The following SRRM4 variants were observed in gnomAD, a reference collection of about 807,000 sequenced individuals.
SRRM4 encodes the protein serine/arginine repetitive matrix protein 4.
In SRRM4, 33 loss-of-function variants were observed where a neutral mutation model predicts 68.9. That is an observed-to-expected ratio of 0.48 (90% CI 0.36 to 0.64). The LOEUF (loss-of-function observed/expected upper bound fraction) is 0.64. SRRM4 is among the 30% of genes least tolerant of loss of function. The pLI is 0.00. For missense variants in SRRM4, 817 were observed against 827.1 expected (o/e 0.99, Z 0.15); for synonymous variants, 318 against 318.8 (o/e 1.00, Z 0.03).
chr12:119,075,915 T>A (rs62649117), intron 1 of SRRM4, among the ~76,000 whole-genome samples: 10 of 137,514 alleles, frequency 7.3e-5, no homozygotes, highest in Non-Finnish European at 9.4e-5. Context: ...ATGGTGATGA[T>A]GATGATGATG....
chr12:119,059,082 G>T (rs760897842), intron 1 of SRRM4, among the ~76,000 whole-genome samples: 1 of 152,156 alleles, frequency 6.6e-6, no homozygotes, highest in Non-Finnish European at 1.5e-5. Flanking sequence ...GAACAATAGA[G>T]CAGCAATTCA....
intron 8 of SRRM4, among the ~76,000 whole-genome samples, chr12:119,137,607 AGAG>A (rs1384880885): frequency 6.7e-6 from 1 of 150,178 alleles, no homozygotes; most frequent in East Asian, 2.0e-4. Context: ...AGAGAGAGAG[AGAG>A]AGAGAGAGAG....
intron 1 of SRRM4, among the ~76,000 whole-genome samples, chr12:119,067,938 T>C (rs911140612): frequency 6.6e-6 from 1 of 152,178 alleles, no homozygotes; most frequent in Non-Finnish European, 1.5e-5. Flanking sequence ...GGGCTAATGA[T>C]TTGTTTTTAT....
chr12:119,011,276 C>T (rs1469325184), intron 1 of SRRM4, among the ~76,000 whole-genome samples: 2 of 152,204 alleles, frequency 1.3e-5, no homozygotes, highest in Non-Finnish European at 2.9e-5. Flanking sequence ...GATTAGATTT[C>T]TATAGTCAGG....
At position 119,153,577 on chromosome 12, in the gene SRRM4, G is replaced by A; in HGVS notation, c.1319G>A (p.Gly440Asp). 6.3e-7 allele frequency: 1 copy of A among 1,576,748 alleles called. No homozygotes were observed. The highest frequency in any genetic ancestry group is 8.6e-7 in the Non-Finnish European group (1 of 1,162,000). ...SRSPSYSSKS[G>D]KRSPPSRSSR... Reference sequence around the variant, plus strand: ...TCTCCCAGCTATTCCTCCAAGTCTGGCAAGAGGAGCCCGCCCAGCAGAAGC... The same window carrying A: ...TCTCCCAGCTATTCCTCCAAGTCTGACAAGAGGAGCCCGCCCAGCAGAAGC... The change falls in exon 11 of 13, where the codon GGC (glycine) becomes GAC (aspartate). Residue 440 changes from glycine to aspartate, a missense_variant. By Grantham distance (94) the Gly-to-Asp change is moderately conservative (BLOSUM62 -1). Coordinates refer to ENST00000267260, the MANE Select transcript of SRRM4 (RefSeq NM_194286.4).
intron 1 of SRRM4, among the ~76,000 whole-genome samples, chr12:119,012,547 C>A (rs1403640807): frequency 1.3e-5 from 2 of 152,164 alleles, no homozygotes; most frequent in Non-Finnish European, 2.9e-5. Context: ...TCTTGTTGTT[C>A]TCATTCTTCT....
rs117295592 is a variant in SRRM4 at position 119,083,966 on chromosome 12, C to T, written c.132-18270C>T. 1.0e-3 allele frequency among the ~76,000 whole-genome samples: 154 copies of T among 152,304 alleles called. 3 individuals carry two copies. The East Asian group carries it at 0.028, about 28-fold the overall frequency. On this transcript the variant is annotated intron_variant, in intron 1 of 12. Transcript: ENST00000267260. ...AGAATTTGGGGTTATTTTTTATGTC[C>T]TGCAAAGCATCACTGAGCTATTGCC...
intron 2 of SRRM4, among the ~76,000 whole-genome samples, chr12:119,113,572 C>T (rs1954157753): frequency 6.6e-6 from 1 of 152,142 alleles, no homozygotes; most frequent in Non-Finnish European, 1.5e-5. Context: ...ATGTTTTCCC[C>T]TTGAGGTTCC....
intron 1 of SRRM4, among the ~76,000 whole-genome samples, chr12:119,000,219 G>A (rs1953375458): frequency 6.6e-6 from 1 of 152,174 alleles, no homozygotes; most frequent in African/African-American, 2.4e-5. Flanking sequence ...TGGGAAAAGA[G>A]CCGGGCACAC....
intron 1 of SRRM4, among the ~76,000 whole-genome samples, chr12:119,098,865 C>A (rs11610259): frequency 0.027 from 4,100 of 152,306 alleles, 137 homozygotes; most frequent in East Asian, 0.095. Context: ...AATCAGACCA[C>A]ATCTTATCCC....
chr12:119,103,822 G>T (rs1345838535), intron 2 of SRRM4, among the ~76,000 whole-genome samples: 1 of 152,138 alleles, frequency 6.6e-6, no homozygotes, highest in Non-Finnish European at 1.5e-5. Flanking sequence ...GGCCAACATG[G>T]TGAAACCCTT....
At chr12:119,120,760 C>A (rs11064669) in intron 5 of SRRM4, among the ~76,000 whole-genome samples, 2 of 151,784 alleles carry the variant, frequency 1.3e-5, no homozygotes, top group African/African-American at 4.8e-5. Flanking sequence ...TTAATCCCTA[C>A]CACAACCTTG....
intron 1 of SRRM4, among the ~76,000 whole-genome samples, chr12:119,068,820 G>GA (rs1352508861): frequency 6.6e-6 from 1 of 152,114 alleles, no homozygotes; most frequent in African/African-American, 2.4e-5. Flanking sequence ...AAACAGAGAG[G>GA]CGGGGGATGG....
intron 4 of SRRM4, among the ~76,000 whole-genome samples, chr12:119,119,121 A>T (rs1160882405): frequency 7.1e-6 from 1 of 140,580 alleles, no homozygotes; most frequent in African/African-American, 2.7e-5. Flanking sequence ...TCATTTTTCT[A>T]GCTAATGCAT....
chr12:119,063,125 C>G (rs1420020901), intron 1 of SRRM4, among the ~76,000 whole-genome samples: 1 of 152,182 alleles, frequency 6.6e-6, no homozygotes, highest in East Asian at 1.9e-4. Flanking sequence ...TTACTGGTAT[C>G]TACTAAATAC....
At chr12:119,004,627 C>G (rs899286106) in intron 1 of SRRM4, among the ~76,000 whole-genome samples, 1 of 151,940 alleles carries the variant, frequency 6.6e-6, no homozygotes, top group Admixed American at 6.5e-5. Context: ...GCTCCAACCC[C>G]CTTCTTTTAC....
chr12:118,983,000 T>G (rs564144873), intron 1 of SRRM4, among the ~76,000 whole-genome samples: 1 of 152,068 alleles, frequency 6.6e-6, no homozygotes, highest in African/African-American at 2.4e-5. Context: ...GGATGAGTGG[T>G]TTAGTAGGAG....
intron 1 of SRRM4, among the ~76,000 whole-genome samples, chr12:119,041,769 T>G (rs984889448): frequency 6.6e-6 from 1 of 152,176 alleles, no homozygotes; most frequent in African/African-American, 2.4e-5. Context: ...GACTCCTATT[T>G]TTAGAGAGGG....
intron 1 of SRRM4, among the ~76,000 whole-genome samples, chr12:119,028,816 G>A (rs1953567289): frequency 6.6e-6 from 1 of 152,236 alleles, no homozygotes. Context: ...GGAAGAAAAG[G>A]CCTTGAAGGA....
Sources: gnomAD v4.1 joint callset for allele counts (sites outside exome capture counted in the v4.1 genomes callset) on GRCh38, gnomAD v4.1.1 for gene constraint, MANE v1.5 for transcripts, NCBI Gene and HGNC (gene_info 2026-07-23, HGNC 2026-07-21) for gene names.